The following SEL1L3 variants were observed in gnomAD, a reference collection of about 807,000 sequenced individuals.
SEL1L3 encodes SEL1L family member 3.
SEL1L3 carries 76 observed loss-of-function variants against 142.8 expected under a neutral mutation model. The ratio of observed to expected loss-of-function variants is 0.53; its 90% confidence interval spans 0.44 to 0.64. The LOEUF (loss-of-function observed/expected upper bound fraction) is 0.64, where lower values mean the gene tolerates loss of function less well. SEL1L3 is among the 30% of genes least tolerant of loss of function. The pLI is 0.00. For synonymous variants in SEL1L3, 504 were observed against 519.6 expected, an observed-to-expected ratio of 0.97 and a Z score of 0.41; for missense variants, 1,262 against 1,381.7, an observed-to-expected ratio of 0.91 and a Z score of 1.37.
At chr4:25,735,074 T>C in the SEL1L3 span, among the ~76,000 whole-genome samples, 4 of 152,178 alleles carry the variant, frequency 2.6e-5, no homozygotes, top group Non-Finnish European at 5.9e-5. Flanking sequence ...TAGTATTATA[T>C]TTTCCTGAAA....
Position 25,818,224 on chromosome 4 carries a change from A to C in SEL1L3, c.1478T>G (p.Met493Arg), listed in dbSNP as rs1304359439. Residue 493 changes from methionine to arginine, a missense_variant, in exon 9 of 24, where the codon ATG (methionine) becomes AGG (arginine). Coordinates refer to ENST00000399878, the MANE Select transcript of SEL1L3 (RefSeq NM_015187.5). ...CTTCTCCCAGGGGAAGGCTCTGCACATCGAGGGTCTCCCATACCTGCGCTG... is the reference window on the plus strand; with the variant it reads ...CTTCTCCCAGGGGAAGGCTCTGCACCTCGAGGGTCTCCCATACCTGCGCTG... ...DLQRRYGRPS[M>R]CRAFPWEKEL... 3 of 1,604,016 alleles carry C rather than the reference A, an allele frequency of 1.9e-6. No individual in the cohort carries two copies. Among genetic ancestry groups the C allele is most frequent in the East Asian group, 4.5e-5 (2 of 44,574 alleles).
At chr4:25,752,916 T>C (rs1200345995) in intron 23 of SEL1L3, among the ~76,000 whole-genome samples, 1 of 152,254 alleles carries the variant, frequency 6.6e-6, no homozygotes, top group Non-Finnish European at 1.5e-5. Context: ...CCCAGCCCAT[T>C]TGTGGAGTTT....
Position 25,847,712 on chromosome 4 carries a change from G to A in SEL1L3, c.315C>T (p.Cys105=). 1 of 1,613,904 alleles carries A rather than the reference G, an allele frequency of 6.2e-7. No individual in the cohort carries two copies. Among genetic ancestry groups the A allele is most frequent in the Non-Finnish European group, 8.5e-7 (1 of 1,179,864 alleles). ...NVSEVSVEYL[C]SQPCVVNLEA... ...CCAAATTGACAACACAAGGCTGAGA[G>A]CATAAATACTCAACCGAGACTTCAG... The change falls in exon 2 of 24, where the codon TGC becomes TGT. Residue 105 remains cysteine (C), a synonymous_variant. Transcript: ENST00000399878.
intron 2 of SEL1L3, among the ~76,000 whole-genome samples, chr4:25,841,267 C>G (rs971786524): frequency 6.6e-6 from 1 of 152,220 alleles, no homozygotes; most frequent in African/African-American, 2.4e-5. Context: ...CTCCTGGCCT[C>G]AAGTGATCTG....
Position 25,757,706 on chromosome 4 carries a change from A to G in SEL1L3, c.3168T>C (p.Ala1056=). The G allele has an allele frequency of 6.3e-7, 1 of 1,594,896 alleles. No homozygotes were observed. The highest frequency in any genetic ancestry group is 8.5e-7 in the Non-Finnish European group (1 of 1,171,002). ...AACCTACCAGGGCTGAGTGCAGGAT[A>G]GCACCCCAGAGAAGCCGCAAGTGCA... ...LYLHLRLLWG[A]ILHSALIYFL... The change falls in exon 22 of 24, where the codon GCT becomes GCC. Residue 1056 remains alanine, a synonymous_variant. Transcript: ENST00000399878.
rs1472948450 is a variant in SEL1L3, at chr4:25,830,100, A to G, written c.1155T>C (p.Ile385=). 1 of 1,606,252 alleles carries G rather than the reference A, an allele frequency of 6.2e-7. No individual in the cohort carries two copies. The change falls in exon 6 of 24, where the codon ATT becomes ATC. Residue 385 remains isoleucine, a splice_region_variant and synonymous_variant. Coordinates refer to ENST00000399878, the MANE Select transcript of SEL1L3 (RefSeq NM_015187.5). Reference sequence around the variant, plus strand: ...ATAAAAAGAAAAATCGCACTTACCTAATGGTCTGATTGTGGTAGCTTTTCA... The same window carrying G: ...ATAAAAAGAAAAATCGCACTTACCTGATGGTCTGATTGTGGTAGCTTTTCA... ...QDLKSYHNQT[I]SFREDFHYND... is the part of the protein sequence containing the mutation.
At chr4:25,803,303 G>T (rs1369758820) in intron 10 of SEL1L3, among the ~76,000 whole-genome samples, 1 of 152,206 alleles carries the variant, frequency 6.6e-6, no homozygotes, top group Non-Finnish European at 1.5e-5. Context: ...ACCCTTGTGG[G>T]GACTGCTTCC....
the SEL1L3 span, among the ~76,000 whole-genome samples, chr4:25,733,180 G>A: frequency 6.6e-6 from 1 of 151,980 alleles, no homozygotes; most frequent in Admixed American, 6.6e-5. Flanking sequence ...GATTTTCACT[G>A]GCATTGCATT....
At chr4:25,769,339 G>A (rs980402532) in intron 17 of SEL1L3, among the ~76,000 whole-genome samples, 5 of 152,122 alleles carry the variant, frequency 3.3e-5, no homozygotes, top group African/African-American at 4.8e-5. Context: ...CACAGGCCAC[G>A]TGGCTGCTGA....
chr4:25,847,465 C>T lies in SEL1L3; in HGVS notation c.562G>A (p.Val188Ile). Residue 188 changes from valine (V) to isoleucine (I), a missense_variant, in exon 2 of 24, where the codon GTT becomes ATT. Transcript: ENST00000399878. ...TGGAGCAAGTTTTCCTCCCATTTAA[C>T]ATTCCAGTCTCTGCCACTGTATTTG... ...THKYSGRDWN[V>I]KWEENLLHAV... 1 of 1,614,030 alleles carries T rather than the reference C, an allele frequency of 6.2e-7. No homozygotes were observed. The highest frequency in any genetic ancestry group is 1.1e-5 in the South Asian group (1 of 91,082).
At chr4:25,764,996 G>A (rs558187334) in intron 20 of SEL1L3, among the ~76,000 whole-genome samples, 122 of 152,232 alleles carry the variant, frequency 8.0e-4, no homozygotes, top group African/African-American at 2.4e-3. Flanking sequence ...ATGTCACCAA[G>A]AGCTGAGTTT....
chr4:25,839,552 T>C (rs1716041782), intron 2 of SEL1L3, among the ~76,000 whole-genome samples: 1 of 152,186 alleles, frequency 6.6e-6, no homozygotes, highest in Non-Finnish European at 1.5e-5. Flanking sequence ...TCTACTGTAT[T>C]GTTAATGAGC....
At chr4:25,763,519 C>T (rs906328199) in intron 20 of SEL1L3, among the ~76,000 whole-genome samples, 1 of 151,902 alleles carries the variant, frequency 6.6e-6, no homozygotes, top group African/African-American at 2.4e-5. Flanking sequence ...ATGACCACTG[C>T]GATGTTGTAC....
intron 2 of SEL1L3, among the ~76,000 whole-genome samples, chr4:25,846,546 A>G (rs1271041729): frequency 1.3e-5 from 2 of 152,162 alleles, no homozygotes; most frequent in East Asian, 1.9e-4. Flanking sequence ...ATTCTGTGGT[A>G]CAACCTCCCT....
At chr4:25,742,979 G>A (rs541901228), downstream of SEL1L3, among the ~76,000 whole-genome samples, 141 of 152,258 alleles carry the variant, frequency 9.3e-4, no homozygotes, top group Non-Finnish European at 1.7e-3. Context: ...AGAATGAAGA[G>A]AAGGAGTTTC....
At chr4:25,809,072 C>CAAA (rs57752271) in intron 9 of SEL1L3, among the ~76,000 whole-genome samples, 1 of 60,272 alleles carries the variant, frequency 1.7e-5, no homozygotes, top group Admixed American at 1.6e-4. Flanking sequence ...GACTCTGTCT[C>CAAA]AAAAAAAAAA....
chr4:25,821,007 T>A (rs1577656922), intron 7 of SEL1L3, among the ~76,000 whole-genome samples: 2 of 152,252 alleles, frequency 1.3e-5, no homozygotes, highest in South Asian at 4.2e-4. Context: ...GGATTACAGG[T>A]GTGAGCCACC....
At chr4:25,821,561 G>A (rs775702365) in intron 7 of SEL1L3, among the ~76,000 whole-genome samples, 8 of 152,228 alleles carry the variant, frequency 5.3e-5, no homozygotes, top group Admixed American at 3.9e-4. Context: ...CGACCCCAGC[G>A]TGAGCTGAAG....
chr4:25,730,186 G>A, the SEL1L3 span, among the ~76,000 whole-genome samples: 3 of 151,974 alleles, frequency 2.0e-5, no homozygotes, highest in Non-Finnish European at 4.4e-5. Flanking sequence ...CGCCCACCTC[G>A]GCCTCCCAAA....
Sources: gnomAD v4.1 joint callset for allele counts (sites outside exome capture counted in the v4.1 genomes callset) on GRCh38, gnomAD v4.1.1 for gene constraint, MANE v1.5 for transcripts, NCBI Gene and HGNC (gene_info 2026-07-23, HGNC 2026-07-21) for gene names.